The following NUP210 variants were observed in gnomAD, a reference collection of about 807,000 sequenced individuals.
NUP210 encodes the protein nuclear pore membrane glycoprotein 210.
Under a neutral mutation model 196.0 loss-of-function variants are expected in NUP210, and 151 were observed. The ratio of observed to expected loss-of-function variants is 0.77; its 90% CI spans 0.67 to 0.88. NUP210 has a LOEUF of 0.88. Among genes scored for constraint, NUP210 ranks in the 40% least tolerant of loss-of-function variants. The probability of loss-of-function intolerance (pLI) is 0.00; values close to 1 mark genes in which losing one functional copy is unlikely to be tolerated. For synonymous variants in NUP210, 1,070 were observed against 1,052.7 expected, an observed-to-expected ratio of 1.02 and a Z score of -0.32; for missense variants, 2,314 against 2,493.7, an observed-to-expected ratio of 0.93 and a Z score of 1.53.
chr3:13,351,677 T>G (rs1223982410), intron 20 of NUP210: 4 of 519,754 alleles, frequency 7.7e-6, no homozygotes, highest in African/African-American at 2.0e-5. Context: ...TTTTTTTTTT[T>G]GTAGAGATGG....
At chr3:13,335,007 G>C (rs536797831) in intron 28 of NUP210, among the ~76,000 whole-genome samples, 1 of 152,336 alleles carries the variant, frequency 6.6e-6, no homozygotes, top group South Asian at 2.1e-4. Flanking sequence ...TGCAGCCCCT[G>C]CCCCGCAGGC....
intron 20 of NUP210, chr3:13,344,903 T>G: frequency 8.1e-6 from 8 of 984,572 alleles, no homozygotes; most frequent in Non-Finnish European, 9.6e-6. Context: ...TCCAGCGTCC[T>G]TCCTCAGAAC....
At chr3:13,376,471 G>C (rs1184001026) in intron 9 of NUP210, 40 bp from the exon 10 acceptor site, 1 of 1,610,938 alleles carries the variant, frequency 6.2e-7, no homozygotes, top group Non-Finnish European at 8.5e-7. Context: ...TGCTTCTGGG[G>C]TGACTCCAGA....
At position 13,350,993 on chromosome 3, in the gene NUP210, C is replaced by T. The variant is rs539499215; in HGVS notation, c.2835+886G>A. Among the ~76,000 whole-genome samples, 33 of 152,156 alleles carry T rather than the reference C, an allele frequency of 2.2e-4. No homozygotes were observed. Among genetic ancestry groups the T allele is most frequent in the Non-Finnish European group, 4.1e-4 (28 of 68,006 alleles). On this transcript the variant is annotated intron_variant, in intron 20 of 39. Coordinates refer to ENST00000254508, the MANE Select transcript of NUP210 (RefSeq NM_024923.4). The surrounding 1 kb of genome is among the most constrained non-coding windows in gnomAD (Gnocchi z 4.1). ...GATTACAGGCATGAGCCACCGCACC[C>T]GGCCAGAAATTCTTAAATTGAAAAG...
intron 15 of NUP210, among the ~76,000 whole-genome samples, chr3:13,359,060 A>G (rs1265799009): frequency 6.6e-6 from 1 of 152,218 alleles, no homozygotes; most frequent in Non-Finnish European, 1.5e-5. Context: ...TAGCACCCTC[A>G]GCCTCCTCAG....
At chr3:13,378,040 C>G (rs1361905638) in intron 8 of NUP210, among the ~76,000 whole-genome samples, 4 of 152,234 alleles carry the variant, frequency 2.6e-5, no homozygotes, top group African/African-American at 9.6e-5. Context: ...CTGAGCTGAC[C>G]TCGCCAGGAC....
chr3:13,397,628 A>T, intron 2 of NUP210, 140 bp from the exon 3 acceptor site: 2 of 781,466 alleles, frequency 2.6e-6, no homozygotes, highest in Non-Finnish European at 3.7e-6. Context: ...GCTGCCTCAC[A>T]CATGGCCCCA....
Position 13,353,587 on chromosome 3 carries a change from C to T in NUP210, c.2595G>A (p.Glu865=). The T allele has an allele frequency of 6.2e-7, 1 of 1,614,130 alleles. No individual in the cohort carries two copies. Among genetic ancestry groups the T allele is most frequent in the Non-Finnish European group, 8.5e-7 (1 of 1,180,014 alleles). Residue 865 remains glutamate, a synonymous_variant, in exon 18 of 40, where the codon GAG becomes GAA. Transcript: ENST00000254508. The stretch of plus-strand genomic sequence containing the variant: ...TTGTTCTGGCAGAGCTGAGGTGGGA[C>T]TCCTGGTAGCCAGTGGCAGTGGCAG... ...AITATATGYQ[E]SHLSSARTKQ...
chr3:13,387,601 T>C (rs754066807), intron 5 of NUP210, among the ~76,000 whole-genome samples: 1 of 152,352 alleles, frequency 6.6e-6, no homozygotes, highest in South Asian at 2.1e-4. Context: ...CAAAATTAAA[T>C]GGCAGGCCAA....
At chr3:13,388,530 C>T in intron 4 of NUP210, 77 bp from the exon 5 acceptor site, 1 of 1,425,436 alleles carries the variant, frequency 7.0e-7, no homozygotes, top group Non-Finnish European at 9.5e-7. Context: ...CACAGCATTC[C>T]CTATCAGTAC....
chr3:13,329,074 T>C, intron 30 of NUP210, 128 bp from the exon 31 acceptor site: 1 of 739,788 alleles, frequency 1.4e-6, no homozygotes, highest in Non-Finnish European at 2.2e-6. Context: ...AGGGCTGGAC[T>C]TAGGGGTCCT....
At chr3:13,415,443 C>A (rs1031464728) in intron 1 of NUP210, among the ~76,000 whole-genome samples, 1 of 152,102 alleles carries the variant, frequency 6.6e-6, no homozygotes, top group Non-Finnish European at 1.5e-5. Context: ...CAGATGATAA[C>A]GCAATCGACC....
Position 13,341,898 on chromosome 3 carries a change from A to T in NUP210, c.3093-15T>A. ...CATCAAGGGCCCTGAAACAGAGGGA[A>T]GGGCTGGGACTTCTCCAAGACCACC... On this transcript the variant is annotated splice_polypyrimidine_tract_variant and intron_variant, in intron 22 of 39. Transcript: ENST00000254508. 6.2e-7 allele frequency: 1 copy of T among 1,614,162 alleles called. No homozygotes were observed. Among genetic ancestry groups the T allele is most frequent in the Non-Finnish European group, 8.5e-7 (1 of 1,180,006 alleles).
intron 1 of NUP210, among the ~76,000 whole-genome samples, chr3:13,408,518 C>T (rs1700067097): frequency 6.6e-6 from 1 of 152,106 alleles, no homozygotes; most frequent in African/African-American, 2.4e-5. Context: ...GGCCAGGTGC[C>T]ATGGCTCATG....
Position 13,337,894 on chromosome 3 carries a change from C to T in NUP210, c.3495G>A (p.Leu1165=). The T allele has an allele frequency of 6.2e-7, 1 of 1,613,076 alleles. No individual in the cohort carries two copies. Among genetic ancestry groups the T allele is most frequent in the South Asian group, 1.1e-5 (1 of 90,996 alleles). ...ISQDLVQVEV[L]LLRAVRIRAP... is the part of the protein sequence containing the mutation. ...CGCGGATCCTCACGGCCCTTAGCAG[C>T]AGCACCTCCACCTGCACGAGGTCCT... Residue 1165 remains leucine (L), a synonymous_variant, in exon 26 of 40, where the codon CTG becomes CTA. Transcript: ENST00000254508.
chr3:13,413,590 T>C (rs1034241146), intron 1 of NUP210, among the ~76,000 whole-genome samples: 2 of 152,190 alleles, frequency 1.3e-5, no homozygotes, highest in Admixed American at 6.5e-5. Flanking sequence ...GGGGGGAAGC[T>C]GCTACCTGCA....
chr3:13,385,162 G>T (rs973401225), intron 6 of NUP210, among the ~76,000 whole-genome samples: 1 of 152,230 alleles, frequency 6.6e-6, no homozygotes, highest in African/African-American at 2.4e-5. Flanking sequence ...CCAACCAGGT[G>T]ACTGCTCTCA....
At chr3:13,354,419 C>A (rs1044274611) in intron 16 of NUP210, 2 of 366,386 alleles carry the variant, frequency 5.5e-6, no homozygotes, top group Non-Finnish European at 1.0e-5. Context: ...GGCATCTACT[C>A]GGGAGAGGTC....
rs1696319596 is a variant in NUP210 at position 13,317,600 on chromosome 3, G to A, written c.*81C>T. 5 of 1,043,258 alleles carry A rather than the reference G, an allele frequency of 4.8e-6. No homozygotes were observed. The highest frequency in any genetic ancestry group is 2.0e-5 in the Admixed American group (1 of 50,338). 64.6% of individuals were successfully genotyped at this position (1,043,258 alleles called of 1,614,324 possible). On this transcript the variant is annotated 3_prime_UTR_variant, in exon 40 of 40. Coordinates refer to ENST00000254508, the MANE Select transcript of NUP210 (RefSeq NM_024923.4). Reference sequence around the variant, plus strand: ...CACTCATCTGGAGGGGCTTGTTCCAGTGTGAATGCAGCAGGGATGTTCCAT... The same window carrying A: ...CACTCATCTGGAGGGGCTTGTTCCAATGTGAATGCAGCAGGGATGTTCCAT...
Sources: allele counts gnomAD v4.1 joint callset (sites outside exome capture counted in the v4.1 genomes callset), GRCh38; gene constraint gnomAD v4.1.1; non-coding constraint Gnocchi (gnomAD v3.1); transcripts MANE v1.5; gene names NCBI Gene and HGNC (gene_info 2026-07-23, HGNC 2026-07-21).